Variants in NLGN1 observed in about 807,000 individuals in gnomAD.
NLGN1 encodes neuroligin 1.
NLGN1 carries 12 observed loss-of-function variants against 65.5 expected under a neutral mutation model. That is an observed-to-expected ratio of 0.18 (90% CI 0.12 to 0.30). The LOEUF is 0.30. Among genes scored for constraint, NLGN1 ranks in the 10% least tolerant of loss-of-function variants. The pLI, the probability that NLGN1 is intolerant of heterozygous loss-of-function variation, is 1.00. For missense variants in NLGN1, 750 were observed against 1,007.1 expected (o/e 0.74, Z 3.46); for synonymous variants, 350 against 359.5 (o/e 0.97, Z 0.30).
chr3:173,814,311 C>T (rs1718588376), intron 4 of NLGN1, among the ~76,000 whole-genome samples: 2 of 152,186 alleles, frequency 1.3e-5, no homozygotes, highest in African/African-American at 2.4e-5. Context: ...TTTATTTGAT[C>T]CATAGATTTC....
chr3:173,691,082 T>C (rs1295050880), intron 3 of NLGN1, among the ~76,000 whole-genome samples: 2 of 151,994 alleles, frequency 1.3e-5, no homozygotes, highest in Non-Finnish European at 2.9e-5. Flanking sequence ...TGATTAGGAG[T>C]CTGAATTATA....
intron 4 of NLGN1, among the ~76,000 whole-genome samples, chr3:174,265,491 G>A (rs1012500716): frequency 2.6e-5 from 4 of 152,060 alleles, no homozygotes; most frequent in Non-Finnish European, 5.9e-5. Context: ...GGAACTCCCT[G>A]ACGCCTTGCG....
At chr3:173,702,012 G>T (rs1426596965) in intron 3 of NLGN1, among the ~76,000 whole-genome samples, 1 of 152,130 alleles carries the variant, frequency 6.6e-6, no homozygotes, top group Non-Finnish European at 1.5e-5. Context: ...GGCCGAGGCG[G>T]GTGGATCACG....
At chr3:173,447,733 T>C (rs370010736) in intron 2 of NLGN1, among the ~76,000 whole-genome samples, 2 of 152,130 alleles carry the variant, frequency 1.3e-5, no homozygotes, top group African/African-American at 4.8e-5. Flanking sequence ...TCTTTTATTT[T>C]ATTGAGCAGT....
chr3:174,237,104 AATTT>A, intron 4 of NLGN1, among the ~76,000 whole-genome samples: 1 of 152,102 alleles, frequency 6.6e-6, no homozygotes, highest in Admixed American at 6.5e-5. Context: ...TCATATAATT[AATTT>A]ATTGATAAAG....
At chr3:174,200,535 A>G (rs1356951094) in intron 4 of NLGN1, among the ~76,000 whole-genome samples, 2 of 152,212 alleles carry the variant, frequency 1.3e-5, no homozygotes, top group African/African-American at 2.4e-5. Context: ...GGAGGGCCCT[A>G]CAGTATAGCA....
chr3:173,407,213 A>C (rs1327891958), intron 1 of NLGN1, among the ~76,000 whole-genome samples: 1 of 152,168 alleles, frequency 6.6e-6, no homozygotes, highest in African/African-American at 2.4e-5. Flanking sequence ...TTTTTGACCT[A>C]AGGTGGTTTG....
intron 3 of NLGN1, among the ~76,000 whole-genome samples, chr3:173,692,710 A>C (rs2149832410): frequency 6.6e-6 from 1 of 152,232 alleles, no homozygotes; most frequent in South Asian, 2.1e-4. Context: ...GCTTGAATTA[A>C]TATGAACTAA....
intron 4 of NLGN1, among the ~76,000 whole-genome samples, chr3:174,019,092 A>G (rs1727215474): frequency 6.6e-6 from 1 of 152,272 alleles, no homozygotes; most frequent in African/African-American, 2.4e-5. Flanking sequence ...AAATACAAGC[A>G]GCAGTAAAAA....
At chr3:173,946,535 T>C (rs553311600) in intron 4 of NLGN1, among the ~76,000 whole-genome samples, 1 of 152,332 alleles carries the variant, frequency 6.6e-6, no homozygotes, top group East Asian at 1.9e-4. Context: ...AGGTTATTTT[T>C]CAGTTTTTGC....
intron 4 of NLGN1, among the ~76,000 whole-genome samples, chr3:174,040,919 C>A (rs1732155786): frequency 2.0e-5 from 3 of 152,098 alleles, no homozygotes; most frequent in Non-Finnish European, 2.9e-5. Context: ...TAACAGTACA[C>A]TTCTCCCCAC....
chr3:174,251,905 G>GA (rs1044381127), intron 4 of NLGN1, among the ~76,000 whole-genome samples: 7 of 151,530 alleles, frequency 4.6e-5, no homozygotes, highest in African/African-American at 1.5e-4. Flanking sequence ...TCTGAGTGCA[G>GA]AAAAAAAAGA....
intron 4 of NLGN1, among the ~76,000 whole-genome samples, chr3:174,271,545 G>T (rs192513084): frequency 5.3e-5 from 8 of 151,506 alleles, no homozygotes; most frequent in Non-Finnish European, 1.0e-4. Context: ...CCCCTTGTCC[G>T]GTTTATTTCA....
chr3:174,181,380 C>T (rs970341155), intron 4 of NLGN1, among the ~76,000 whole-genome samples: 1 of 152,172 alleles, frequency 6.6e-6, no homozygotes, highest in African/African-American at 2.4e-5. Context: ...AAGCATTGTC[C>T]GATGCTACCA....
chr3:174,031,900 G>A (rs1207654401), intron 4 of NLGN1, among the ~76,000 whole-genome samples: 3 of 151,418 alleles, frequency 2.0e-5, no homozygotes, highest in African/African-American at 7.3e-5. Context: ...AAGACTAGAA[G>A]AGGAATAAAA....
chr3:173,561,081 T>C (rs1275981457), intron 2 of NLGN1, among the ~76,000 whole-genome samples: 1 of 152,170 alleles, frequency 6.6e-6, no homozygotes, highest in East Asian at 1.9e-4. Flanking sequence ...CCTAATCTAG[T>C]CCACAACACC....
intron 3 of NLGN1, among the ~76,000 whole-genome samples, chr3:173,674,829 A>C (rs981470668): frequency 6.6e-6 from 1 of 152,046 alleles, no homozygotes; most frequent in African/African-American, 2.4e-5. Flanking sequence ...AGGTTTATAA[A>C]CTTGGAGAAA....
At position 173,879,546 on chromosome 3, in the gene NLGN1, C is replaced by A. The variant is rs139243267; in HGVS notation, c.646+71714C>A. Among the ~76,000 whole-genome samples, 12 of 152,118 alleles carry A rather than the reference C, an allele frequency of 7.9e-5. No homozygotes were observed. In the East Asian group the frequency reaches 2.3e-3, roughly 29 times the overall value. On this transcript the variant is annotated intron_variant, in intron 4 of 6. Coordinates refer to ENST00000457714, the Ensembl canonical transcript of NLGN1. Reference sequence around the variant, plus strand: ...CATAGTTATAATAGCTGTTTAAAATCCTTGTCTACGAAAGTTCAACATGTG... The same window carrying A: ...CATAGTTATAATAGCTGTTTAAAATACTTGTCTACGAAAGTTCAACATGTG...
chr3:173,754,583 T>C (rs1426770162), intron 3 of NLGN1, among the ~76,000 whole-genome samples: 1 of 152,148 alleles, frequency 6.6e-6, no homozygotes, highest in Non-Finnish European at 1.5e-5. Context: ...CTGTATCCCC[T>C]GGGCTTAGAA....
Sources: allele counts gnomAD v4.1 joint callset (sites outside exome capture counted in the v4.1 genomes callset), GRCh38; gene constraint gnomAD v4.1.1; transcripts MANE v1.5; gene names NCBI Gene and HGNC (gene_info 2026-07-23, HGNC 2026-07-21).